Variants in TXNDC16 observed in about 807,000 individuals in gnomAD.
TXNDC16 encodes thioredoxin domain-containing protein 16.
TXNDC16 carries 74 observed loss-of-function variants against 85.6 expected under a neutral mutation model. The ratio of observed to expected loss-of-function variants is 0.86; its 90% confidence interval spans 0.72 to 1.05. The LOEUF (loss-of-function observed/expected upper bound fraction) is 1.05, where lower values mean the gene tolerates loss of function less well. TXNDC16 is among the 50% of genes least tolerant of loss of function. The pLI is 0.00. For missense variants in TXNDC16, 959 were observed against 947.0 expected, an observed-to-expected ratio of 1.01 and a Z score of -0.17; for synonymous variants, 335 against 326.5, an observed-to-expected ratio of 1.03 and a Z score of -0.28.
intron 1 of TXNDC16, among the ~76,000 whole-genome samples, chr14:52,550,466 G>A (rs1372832638): frequency 6.6e-6 from 1 of 152,206 alleles, no homozygotes; most frequent in African/African-American, 2.4e-5. Context: ...AAGCAGTTGG[G>A]AGGAAAATCC....
intron 12 of TXNDC16, 51 bp from the exon 13 acceptor site, chr14:52,483,016 T>C: frequency 6.9e-7 from 1 of 1,445,222 alleles, no homozygotes; most frequent in Non-Finnish European, 9.4e-7. Flanking sequence ...TAATGAAAAC[T>C]ATTTAAGCTC....
At chr14:52,464,264 T>C (rs1047465740) in intron 16 of TXNDC16, among the ~76,000 whole-genome samples, 1 of 152,232 alleles carries the variant, frequency 6.6e-6, no homozygotes, top group East Asian at 1.9e-4. Flanking sequence ...CATATGACGA[T>C]AGACGGCAAA....
chr14:52,440,950 T>C (rs1362360483), intron 18 of TXNDC16, among the ~76,000 whole-genome samples: 1 of 152,152 alleles, frequency 6.6e-6, no homozygotes, highest in Non-Finnish European at 1.5e-5. Context: ...TACACAGAAT[T>C]TGAGAATAAA....
rs980477229 is a variant in TXNDC16 at position 52,431,337 on chromosome 14, T to G, written c.*967A>C. ...ATCTGAAATTTAGCCATATAACTTG[T>G]AGAAATAAGAGGAGGTTTTAAGACT... is the stretch of plus-strand genomic sequence containing the variant. On this transcript the variant is annotated 3_prime_UTR_variant, in exon 21 of 21. Transcript: ENST00000281741. 1 of 152,212 alleles carries G rather than the reference T, an allele frequency of 6.6e-6. No individual in the cohort carries two copies. Among genetic ancestry groups the G allele is most frequent in the Non-Finnish European group, 1.5e-5 (1 of 68,036 alleles). 9.4% of individuals were successfully genotyped at this position (152,212 alleles called of 1,614,324 possible).
At chr14:52,538,375 C>T (rs1311335751) in intron 4 of TXNDC16, among the ~76,000 whole-genome samples, 1 of 152,002 alleles carries the variant, frequency 6.6e-6, no homozygotes, top group Non-Finnish European at 1.5e-5. Flanking sequence ...GCCATACCAG[C>T]CCTGGATAGC....
intron 16 of TXNDC16, among the ~76,000 whole-genome samples, chr14:52,462,496 G>A (rs905026806): frequency 2.0e-5 from 3 of 152,166 alleles, no homozygotes; most frequent in Admixed American, 2.0e-4. Flanking sequence ...TGTATTTTTA[G>A]TAGAGACAGG....
At chr14:52,452,857 C>G (rs74480734) in intron 18 of TXNDC16, among the ~76,000 whole-genome samples, 1,827 of 152,170 alleles carry the variant, frequency 0.012, 38 homozygotes, top group African/African-American at 0.041. Flanking sequence ...CAAAATGGTC[C>G]TGCACAGCAA....
At chr14:52,507,091 G>C (rs1224037977) in intron 9 of TXNDC16, among the ~76,000 whole-genome samples, 1 of 152,074 alleles carries the variant, frequency 6.6e-6, no homozygotes, top group Non-Finnish European at 1.5e-5. Flanking sequence ...AGGAAATAAA[G>C]GGTATTCAAT....
intron 6 of TXNDC16, among the ~76,000 whole-genome samples, chr14:52,526,844 T>C (rs1014687277): frequency 1.2e-4 from 19 of 152,196 alleles, no homozygotes; most frequent in Non-Finnish European, 1.5e-5. Context: ...TGAAGGTTAG[T>C]TGGTCACCAA....
intron 7 of TXNDC16, among the ~76,000 whole-genome samples, chr14:52,518,936 T>C (rs7150790): frequency 0.086 from 13,091 of 152,178 alleles, 617 homozygotes; most frequent in East Asian, 0.14. Flanking sequence ...TGAAGTTAAG[T>C]AACTTGTCCA....
At chr14:52,500,421 A>G (rs1173226425) in intron 9 of TXNDC16, among the ~76,000 whole-genome samples, 1 of 152,202 alleles carries the variant, frequency 6.6e-6, no homozygotes, top group Non-Finnish European at 1.5e-5. Context: ...ATACGAATGG[A>G]AAGTAGACTG....
At chr14:52,445,267 T>C (rs1342219594) in intron 18 of TXNDC16, among the ~76,000 whole-genome samples, 4 of 152,180 alleles carry the variant, frequency 2.6e-5, no homozygotes, top group African/African-American at 9.6e-5. Flanking sequence ...AATAAGTAAT[T>C]TAGAAACATA....
At chr14:52,467,967 A>T (rs1199571181) in intron 16 of TXNDC16, among the ~76,000 whole-genome samples, 1 of 152,248 alleles carries the variant, frequency 6.6e-6, no homozygotes, top group Non-Finnish European at 1.5e-5. Context: ...AACCCTGAAG[A>T]CATTATGCTA....
intron 8 of TXNDC16, among the ~76,000 whole-genome samples, chr14:52,513,829 T>C (rs887274394): frequency 1.3e-5 from 2 of 152,018 alleles, no homozygotes; most frequent in Non-Finnish European, 2.9e-5. Flanking sequence ...CTAAAAAATA[T>C]AGAGGCTGGT....
intron 14 of TXNDC16, among the ~76,000 whole-genome samples, chr14:52,474,069 G>A (rs1010562308): frequency 2.0e-5 from 3 of 152,172 alleles, no homozygotes; most frequent in Non-Finnish European, 2.9e-5. Context: ...CATAGTGAAT[G>A]AAAAGGAAAA....
At chr14:52,518,760 C>T (rs1298845218) in intron 7 of TXNDC16, among the ~76,000 whole-genome samples, 3 of 152,128 alleles carry the variant, frequency 2.0e-5, no homozygotes, top group African/African-American at 7.2e-5. Context: ...AAAAAAATAG[C>T]TAACACTTTC....
At position 52,470,144 on chromosome 14, in the gene TXNDC16, G is replaced by A. The variant is rs770419640; in HGVS notation, c.1511C>T (p.Thr504Ile). Residue 504 changes from threonine to isoleucine, a missense_variant, in exon 16 of 21, where the codon ACA becomes ATA. Thr to Ile is a moderately conservative substitution (Grantham distance 89, BLOSUM62 -1). Transcript: ENST00000281741. ...LNRISYPVNI[T>I]SIQEAEEYLS... is the part of the protein sequence containing the mutation. Reference sequence around the variant, plus strand: ...ATATTCTTCTGCTTCTTGGATCGATGTTATATTCACTGGATATGAAATCCT... The same window carrying A: ...ATATTCTTCTGCTTCTTGGATCGATATTATATTCACTGGATATGAAATCCT... 1.2e-6 allele frequency: 2 copies of A among 1,607,420 alleles called. No homozygotes were observed. Among genetic ancestry groups the A allele is most frequent in the East Asian group, 4.5e-5 (2 of 44,596 alleles).
intron 6 of TXNDC16, among the ~76,000 whole-genome samples, chr14:52,529,699 TAATA>T (rs2037440782): frequency 8.8e-6 from 1 of 113,106 alleles, no homozygotes; most frequent in Non-Finnish European, 1.6e-5. Flanking sequence ...CTATTATATA[TAATA>T]TATATAATGC....
intron 1 of TXNDC16, among the ~76,000 whole-genome samples, chr14:52,548,154 T>C (rs1425369429): frequency 2.0e-5 from 3 of 152,230 alleles, no homozygotes; most frequent in Non-Finnish European, 4.4e-5. Flanking sequence ...ACTGATCCAG[T>C]GTAAACTAAA....
Sources: gnomAD v4.1 joint callset for allele counts (sites outside exome capture counted in the v4.1 genomes callset) on GRCh38, gnomAD v4.1.1 for gene constraint, MANE v1.5 for transcripts, NCBI Gene and HGNC (gene_info 2026-07-23, HGNC 2026-07-21) for gene names.